Variants in INPP5A observed in about 807,000 individuals in gnomAD.
INPP5A encodes the protein 43 kDa inositol polyphosphate 5-phophatase.
A neutral mutation model predicts 65.2 loss-of-function variants in INPP5A; 14 were observed. That is an observed-to-expected ratio of 0.21 (90% CI 0.14 to 0.34). INPP5A has a LOEUF of 0.34. Among genes scored for constraint, INPP5A ranks in the 10% least tolerant of loss-of-function variants. INPP5A has a pLI of 1.00. For missense variants in INPP5A, 431 were observed against 545.6 expected, an observed-to-expected ratio of 0.79 and a Z score of 2.09; for synonymous variants, 207 against 208.3, an observed-to-expected ratio of 0.99 and a Z score of 0.05.
chr10:132,609,808 C>A (rs1275391377), intron 2 of INPP5A, among the ~76,000 whole-genome samples: 1 of 152,108 alleles, frequency 6.6e-6, no homozygotes, highest in African/African-American at 2.4e-5. Context: ...CCATGCCCGG[C>A]TAATTTTTGT....
intron 9 of INPP5A, among the ~76,000 whole-genome samples, chr10:132,733,980 C>T (rs1040600163): frequency 6.6e-6 from 1 of 152,202 alleles, no homozygotes; most frequent in Admixed American, 6.5e-5. Flanking sequence ...GGGAGCTCCT[C>T]AGCACACAGA....
rs372266659 is a variant in INPP5A at position 132,652,156 on chromosome 10, A to G, written c.306+1651A>G. Among the ~76,000 whole-genome samples the G allele has an allele frequency of 5.9e-5, 9 of 152,040 alleles. No individual in the cohort carries two copies. The East Asian group carries it at 7.7e-4, about 13-fold the overall frequency. On this transcript the variant is annotated intron_variant, in intron 4 of 15. Transcript: ENST00000368594. ...TCTCACTCTCCTCTGCCATGACCCA[A>G]CGTAATGTGTTTCCCAAGTAGGGGC...
rs1175961216 is a variant in INPP5A, at chr10:132,727,901, T to TC, written c.732+1000dup. ...GGTGAGTCGAACGGGGACATGGCGG[T>TC]CCCCGAGACTGTTATCTTCCCATTT... On this transcript the variant is annotated intron_variant, in intron 9 of 15. Coordinates refer to ENST00000368594, the MANE Select transcript of INPP5A (RefSeq NM_005539.5). This position sits in a 1 kb window ranked among gnomAD's most constrained non-coding sequence, Gnocchi z 6.5. Among the ~76,000 whole-genome samples the TC allele has an allele frequency of 6.6e-6, 1 of 151,954 alleles. No homozygotes were observed. Among genetic ancestry groups the TC allele is most frequent in the Non-Finnish European group, 1.5e-5 (1 of 67,954 alleles).
Position 132,659,455 on chromosome 10 carries a change from G to A in INPP5A, c.306+8950G>A, listed in dbSNP as rs1289294629. On this transcript the variant is annotated intron_variant, in intron 4 of 15. Transcript: ENST00000368594. The surrounding 1 kb of genome is among the most constrained non-coding windows in gnomAD (Gnocchi z 5.5). Reference sequence around the variant, plus strand: ...TGAGGTCCCTGTGGGGTGCATCCACGGACGCGGGTCTGGAGGCGCTGCTGT... The same window carrying A: ...TGAGGTCCCTGTGGGGTGCATCCACAGACGCGGGTCTGGAGGCGCTGCTGT... 1.3e-5 allele frequency among the ~76,000 whole-genome samples: 2 copies of A among 152,216 alleles called. No individual in the cohort carries two copies. Among genetic ancestry groups the A allele is most frequent in the African/African-American group, 2.4e-5 (1 of 41,458 alleles).
chr10:132,551,491 G>A lies in INPP5A; in HGVS notation c.75+13320G>A, dbSNP rs761595639. Among the ~76,000 whole-genome samples the A allele has an allele frequency of 6.6e-6, 1 of 152,204 alleles. No homozygotes were observed. The highest frequency in any genetic ancestry group is 2.4e-5 in the African/African-American group (1 of 41,434). On this transcript the variant is annotated intron_variant, in intron 1 of 15. Coordinates refer to ENST00000368594, the MANE Select transcript of INPP5A (RefSeq NM_005539.5). This position sits in a 1 kb window ranked among gnomAD's most constrained non-coding sequence, Gnocchi z 5.3. ...GACCAGCCACTGTGGGTCATGTGGG[G>A]GGATTTGGGTGGGACTCTCAGAGGA...
chr10:132,593,508 A>G (rs1489853087), intron 1 of INPP5A, among the ~76,000 whole-genome samples: 1 of 152,238 alleles, frequency 6.6e-6, no homozygotes, highest in African/African-American at 2.4e-5. Flanking sequence ...CTTTTTCAAC[A>G]TGACTTACAG....
chr10:132,594,218 G>A (rs1263979624), intron 1 of INPP5A, among the ~76,000 whole-genome samples: 1 of 152,148 alleles, frequency 6.6e-6, no homozygotes, highest in African/African-American at 2.4e-5. Flanking sequence ...ATCTAGAGCT[G>A]TGCTGTGTAG....
Position 132,650,618 on chromosome 10 carries a change from A to ACTCAC in INPP5A, c.306+114_306+118dup. The ACTCAC allele has an allele frequency of 1.3e-6, 1 of 747,980 alleles. No homozygotes were observed. The allele number at this position is 747,980 out of a possible 1,614,324, so 46.3% of individuals were successfully genotyped here. A position where few individuals can be genotyped will look rare whatever the true frequency, so the allele number is the denominator to read the frequency against. On this transcript the variant is annotated intron_variant, in intron 4 of 15. Coordinates refer to ENST00000368594, the MANE Select transcript of INPP5A (RefSeq NM_005539.5). This position sits in a 1 kb window ranked among gnomAD's most constrained non-coding sequence, Gnocchi z 5.5. ...CGGGGTGCTCCCTGCCTGAAGCCTC[A>ACTCAC]CTCACGCTGCCCTGCCTGGCACTCC...
Position 132,538,194 on chromosome 10 carries a change from A to T in INPP5A, c.75+23A>T. 7.9e-7 allele frequency: 1 copy of T among 1,262,858 alleles called. No individual in the cohort carries two copies. The highest frequency in any genetic ancestry group is 1.0e-6 in the Non-Finnish European group (1 of 999,058). The allele number at this position is 1,262,858 out of a possible 1,614,324, so 78.2% of individuals were successfully genotyped here. A position where few individuals can be genotyped will look rare whatever the true frequency, so the allele number is the denominator to read the frequency against. On this transcript the variant is annotated intron_variant, in intron 1 of 15. Coordinates refer to ENST00000368594, the MANE Select transcript of INPP5A (RefSeq NM_005539.5). This position sits in a 1 kb window ranked among gnomAD's most constrained non-coding sequence, Gnocchi z 4.1. ...GACGTAAGTCCCCCGTGCCGGCGGC[A>T]GGCCCCAAGCCCGGAACCCCCGACC...
rs1027182741 is a variant in INPP5A at position 132,698,520 on chromosome 10, T to C, written c.474+601T>C. Among the ~76,000 whole-genome samples, 2 of 152,252 alleles carry C rather than the reference T, an allele frequency of 1.3e-5. No individual in the cohort carries two copies. Among genetic ancestry groups the C allele is most frequent in the Non-Finnish European group, 2.9e-5 (2 of 68,038 alleles). On this transcript the variant is annotated intron_variant, in intron 6 of 15. Transcript: ENST00000368594. The surrounding 1 kb of genome is among the most constrained non-coding windows in gnomAD (Gnocchi z 5.5). ...GGCGGCCATGCACTTTGCTGAGCTG[T>C]GTGCGCGGCTGTTGCTCTGTGCACG...
intron 1 of INPP5A, among the ~76,000 whole-genome samples, chr10:132,600,794 A>T (rs1306502350): frequency 6.6e-6 from 1 of 152,264 alleles, no homozygotes; most frequent in Non-Finnish European, 1.5e-5. Flanking sequence ...AGAGAAAATG[A>T]GAAGGAAGCA....
At chr10:132,595,337 C>G (rs993858484) in intron 1 of INPP5A, among the ~76,000 whole-genome samples, 2 of 140,774 alleles carry the variant, frequency 1.4e-5, no homozygotes, top group African/African-American at 4.9e-5. Context: ...TGTGTTCAAT[C>G]CATTTTTTTA....
intron 11 of INPP5A, among the ~76,000 whole-genome samples, chr10:132,751,206 C>T (rs957354189): frequency 3.3e-5 from 5 of 152,222 alleles, no homozygotes; most frequent in East Asian, 1.9e-4. Context: ...CCGAGGCTCC[C>T]GTGACGCCCA....
intron 2 of INPP5A, among the ~76,000 whole-genome samples, chr10:132,640,021 A>T (rs942769316): frequency 2.7e-5 from 4 of 150,664 alleles, no homozygotes; most frequent in South Asian, 2.1e-4. Context: ...TTGCTTGAAA[A>T]CCTTCCTCTG....
chr10:132,631,731 C>T (rs1298781074), intron 2 of INPP5A, among the ~76,000 whole-genome samples: 2 of 152,236 alleles, frequency 1.3e-5, no homozygotes, highest in Non-Finnish European at 2.9e-5. Context: ...AAGCAGGGTG[C>T]TGCTTGTTTG....
At chr10:132,612,823 G>A (rs541589578) in intron 2 of INPP5A, among the ~76,000 whole-genome samples, 228 of 152,344 alleles carry the variant, frequency 1.5e-3, no homozygotes, top group African/African-American at 4.1e-3. Flanking sequence ...TAAGATGGAG[G>A]CCTTGGGGCA....
At chr10:132,755,790 C>T (rs1283913985) in intron 11 of INPP5A, among the ~76,000 whole-genome samples, 1 of 152,124 alleles carries the variant, frequency 6.6e-6, no homozygotes, top group African/African-American at 2.4e-5. Flanking sequence ...GGTGCTGACC[C>T]CAGAGGAGGC....
At chr10:132,722,595 T>C (rs1164095380) in intron 8 of INPP5A, among the ~76,000 whole-genome samples, 3 of 152,180 alleles carry the variant, frequency 2.0e-5, no homozygotes, top group Non-Finnish European at 4.4e-5. Flanking sequence ...GTTCAACCCG[T>C]GACTCTCCCT....
rs553580586 is a variant in INPP5A at position 132,543,627 on chromosome 10, A to C, written c.75+5456A>C. ...AAGATGAGGTCTCACTATGCTGCCT[A>C]GGCTAGTCTCAAAGTCCTGGCTTCA... On this transcript the variant is annotated intron_variant, in intron 1 of 15. Transcript: ENST00000368594. Among the ~76,000 whole-genome samples, 5 of 152,374 alleles carry C rather than the reference A, an allele frequency of 3.3e-5. No individual in the cohort carries two copies. The South Asian group carries it at 1.0e-3, about 32-fold the overall frequency.
Sources: allele counts gnomAD v4.1 joint callset (sites outside exome capture counted in the v4.1 genomes callset), GRCh38; gene constraint gnomAD v4.1.1; non-coding constraint Gnocchi (gnomAD v3.1); transcripts MANE v1.5; gene names NCBI Gene and HGNC (gene_info 2026-07-23, HGNC 2026-07-21).